The following SH3GL3 variants were observed in gnomAD, a reference collection of about 807,000 sequenced individuals.
SH3GL3 encodes endophilin-A3.
Under a neutral mutation model 47.7 loss-of-function variants are expected in SH3GL3, and 33 were observed. The ratio of observed to expected loss-of-function variants is 0.69; its 90% CI spans 0.52 to 0.92. The LOEUF (loss-of-function observed/expected upper bound fraction) is 0.92. Ranked by LOEUF, SH3GL3 falls within the 40% of genes least tolerant of loss-of-function variation. The probability of loss-of-function intolerance (pLI) is 0.00; values close to 1 mark genes in which losing one functional copy is unlikely to be tolerated. For missense variants in SH3GL3, 363 were observed against 417.8 expected (o/e 0.87, Z 1.14); for synonymous variants, 155 against 148.8 (o/e 1.04, Z -0.30).
intron 1 of SH3GL3, among the ~76,000 whole-genome samples, chr15:83,558,604 G>T (rs1314876186): frequency 6.6e-6 from 1 of 152,054 alleles, no homozygotes; most frequent in Non-Finnish European, 1.5e-5. Context: ...CCCCACAACA[G>T]ATAATTATCT....
intron 6 of SH3GL3, among the ~76,000 whole-genome samples, chr15:83,578,632 A>G (rs2059748689): frequency 6.6e-6 from 1 of 151,106 alleles, no homozygotes; most frequent in Admixed American, 6.7e-5. Context: ...CCTGAAAAGT[A>G]CACTCTACTG....
intron 8 of SH3GL3, among the ~76,000 whole-genome samples, chr15:83,602,603 T>C (rs1470545742): frequency 2.0e-5 from 3 of 152,132 alleles, no homozygotes; most frequent in East Asian, 1.9e-4. Context: ...TACTATTGCA[T>C]TGGAGATTAA....
intron 1 of SH3GL3, among the ~76,000 whole-genome samples, chr15:83,467,511 C>G (rs2040621137): frequency 6.6e-6 from 1 of 152,070 alleles, no homozygotes; most frequent in Non-Finnish European, 1.5e-5. Context: ...TTTAGCTATT[C>G]TAGTTATTTT....
At chr15:83,487,885 T>C (rs944257970) in intron 1 of SH3GL3, among the ~76,000 whole-genome samples, 1 of 150,958 alleles carries the variant, frequency 6.6e-6, no homozygotes, top group Non-Finnish European at 1.5e-5. Context: ...TTTCTTTTTT[T>C]TTTTTTCCTG....
chr15:83,560,714 G>A (rs1192773377), intron 2 of SH3GL3, among the ~76,000 whole-genome samples: 1 of 152,064 alleles, frequency 6.6e-6, no homozygotes, highest in African/African-American at 2.4e-5. Flanking sequence ...ATGACCAGAA[G>A]TTTTAAAACT....
intron 1 of SH3GL3, among the ~76,000 whole-genome samples, chr15:83,511,863 T>C (rs757959295): frequency 6.6e-6 from 1 of 152,102 alleles, no homozygotes; most frequent in Non-Finnish European, 1.5e-5. Context: ...TGGACAGGGC[T>C]AGGATGGTAT....
At chr15:83,581,519 T>C (rs2151793395) in intron 6 of SH3GL3, among the ~76,000 whole-genome samples, 1 of 152,300 alleles carries the variant, frequency 6.6e-6, no homozygotes, top group African/African-American at 2.4e-5. Context: ...CAAAGCCAGA[T>C]GACACACGAT....
intron 8 of SH3GL3, among the ~76,000 whole-genome samples, chr15:83,593,373 C>T (rs2060155689): frequency 6.6e-6 from 1 of 152,188 alleles, no homozygotes; most frequent in Admixed American, 6.5e-5. Flanking sequence ...TTGAATTTCT[C>T]TCAGCAGTGT....
At chr15:83,451,657 GT>G (rs1297204929) in intron 1 of SH3GL3, among the ~76,000 whole-genome samples, 1 of 115,954 alleles carries the variant, frequency 8.6e-6, no homozygotes, top group Non-Finnish European at 1.7e-5. Flanking sequence ...GGGGTTCTTT[GT>G]TTTTTTCTTG....
chr15:83,540,683 T>C (rs1164640355), intron 1 of SH3GL3, among the ~76,000 whole-genome samples: 3 of 152,156 alleles, frequency 2.0e-5, no homozygotes, highest in Non-Finnish European at 4.4e-5. Flanking sequence ...ATATCAGATA[T>C]TTTTATACAG....
At chr15:83,566,365 A>AGTGTGTGTGTGTGT (rs57323112) in intron 3 of SH3GL3, among the ~76,000 whole-genome samples, 4 of 136,694 alleles carry the variant, frequency 2.9e-5, no homozygotes, top group South Asian at 5.2e-4. Flanking sequence ...AGAGAGAGAG[A>AGTGTGTGTGTGTGT]GTGTGTGTGT....
At chr15:83,466,089 A>C (rs1326589349) in intron 1 of SH3GL3, among the ~76,000 whole-genome samples, 2 of 152,042 alleles carry the variant, frequency 1.3e-5, no homozygotes, top group African/African-American at 4.8e-5. Context: ...CTTCATTTCT[A>C]TAATTTTGTC....
rs567095440 is a variant in SH3GL3 at position 83,558,484 on chromosome 15, CGT to C, written c.46-752_46-751del. Among the ~76,000 whole-genome samples the C allele has an allele frequency of 5.5e-5, 4 of 72,760 alleles. No individual in the cohort carries two copies. The East Asian group carries it at 9.4e-4, about 17-fold the overall frequency. 47.7% of individuals were successfully genotyped at this position (72,760 alleles called of 152,430 possible). A position where few individuals can be genotyped will look rare whatever the true frequency, so the allele number is the denominator to read the frequency against. On this transcript the variant is annotated intron_variant, in intron 1 of 8. Coordinates refer to ENST00000427482, the MANE Select transcript of SH3GL3 (RefSeq NM_003027.5). The stretch of plus-strand genomic sequence containing the variant: ...GGGCAACATTTTTGGTTGTTACAAC[CGT>C]GTGTGTGTGTGTGTGTATATGTGTG...
At chr15:83,462,097 C>T (rs191875332) in intron 1 of SH3GL3, among the ~76,000 whole-genome samples, 15 of 152,288 alleles carry the variant, frequency 9.8e-5, no homozygotes, top group East Asian at 1.9e-4. Flanking sequence ...TTTTCTAAAG[C>T]GCTGTAAGCT....
the SH3GL3 span, among the ~76,000 whole-genome samples, chr15:83,629,896 A>G: frequency 6.6e-6 from 1 of 152,210 alleles, no homozygotes; most frequent in African/African-American, 2.4e-5. Context: ...GGAAGAAAAT[A>G]TAGGTGATAT....
chr15:83,633,724 T>A, the SH3GL3 span, among the ~76,000 whole-genome samples: 1 of 152,184 alleles, frequency 6.6e-6, no homozygotes. Flanking sequence ...AGCCCCTGCT[T>A]TGTGCCTTAG....
intron 1 of SH3GL3, among the ~76,000 whole-genome samples, chr15:83,538,835 G>A (rs2044033026): frequency 6.6e-6 from 1 of 151,984 alleles, no homozygotes; most frequent in Admixed American, 6.6e-5. Flanking sequence ...ATGGATTTTG[G>A]TGCACATATG....
intron 8 of SH3GL3, chr15:83,609,471 G>T: frequency 2.7e-6 from 1 of 370,642 alleles, no homozygotes; most frequent in Non-Finnish European, 5.3e-6. Flanking sequence ...ACTCAGGTCA[G>T]TAGCTTCTGG....
intron 6 of SH3GL3, among the ~76,000 whole-genome samples, chr15:83,581,927 G>A (rs1355317868): frequency 6.6e-6 from 1 of 152,182 alleles, no homozygotes; most frequent in South Asian, 2.1e-4. Flanking sequence ...CAAGCCAGGA[G>A]GTGTTTTGGT....
Sources: gnomAD v4.1 joint callset for allele counts (sites outside exome capture counted in the v4.1 genomes callset) on GRCh38, gnomAD v4.1.1 for gene constraint, MANE v1.5 for transcripts, NCBI Gene and HGNC (gene_info 2026-07-23, HGNC 2026-07-21) for gene names.